PCDHA8: variants seen among roughly 807,000 people sequenced by gnomAD.
PCDHA8 encodes protocadherin alpha-8.
A neutral mutation model predicts 61.8 loss-of-function variants in PCDHA8; 53 were observed. That is an observed-to-expected ratio of 0.86 (90% confidence interval 0.69 to 1.08). The LOEUF is 1.08. PCDHA8 is among the 50% of genes least tolerant of loss of function. The pLI, the probability that PCDHA8 is intolerant of heterozygous loss-of-function variation, is 0.00. For synonymous variants in PCDHA8, 618 were observed against 556.6 expected (o/e 1.11, Z -1.55); for missense variants, 1,293 against 1,245.0 (o/e 1.04, Z -0.58).
chr5:140,853,242 A>T, intron 1 of PCDHA8: 1 of 978,496 alleles, frequency 1.0e-6, no homozygotes, highest in Non-Finnish European at 1.2e-6. Context: ...CCTTCATATT[A>T]ATCTCTATTC....
chr5:140,849,852 C>A (rs2150454047), intron 1 of PCDHA8: 2 of 1,598,608 alleles, frequency 1.3e-6, no homozygotes, highest in East Asian at 2.2e-5. Context: ...CGACAACGCA[C>A]CAGCGTTCGC....
At chr5:140,971,689 T>C (rs149234216) in intron 1 of PCDHA8, among the ~76,000 whole-genome samples, 1 of 152,306 alleles carries the variant, frequency 6.6e-6, no homozygotes, top group East Asian at 1.9e-4. Context: ...GAATTTGTAC[T>C]CACTAACCAC....
chr5:140,846,849 G>T (rs1318319896), intron 1 of PCDHA8, among the ~76,000 whole-genome samples: 1 of 149,562 alleles, frequency 6.7e-6, no homozygotes, highest in Non-Finnish European at 1.5e-5. Flanking sequence ...ACAATGCAAG[G>T]CAAGATAATG....
intron 1 of PCDHA8, among the ~76,000 whole-genome samples, chr5:140,962,088 T>C (rs893852980): frequency 6.6e-6 from 1 of 152,092 alleles, no homozygotes; most frequent in Non-Finnish European, 1.5e-5. Flanking sequence ...GGTTTCACCA[T>C]GTTAGCCAGG....
intron 1 of PCDHA8, among the ~76,000 whole-genome samples, chr5:140,936,049 C>A (rs1185871662): frequency 1.3e-5 from 2 of 151,974 alleles, no homozygotes; most frequent in African/African-American, 2.4e-5. Context: ...CCCACCACCA[C>A]ACCCGGCTAA....
chr5:140,863,308 G>T (rs782229195), intron 1 of PCDHA8: 3 of 1,462,294 alleles, frequency 2.1e-6, no homozygotes, highest in Non-Finnish European at 1.9e-6. Context: ...CGCCATCTGC[G>T]TGGTGTCCAG....
intron 1 of PCDHA8, among the ~76,000 whole-genome samples, chr5:140,888,523 T>C (rs1316582829): frequency 6.6e-6 from 1 of 152,244 alleles, no homozygotes; most frequent in African/African-American, 2.4e-5. Flanking sequence ...AGTTCTGACG[T>C]GAAGTTAAGT....
chr5:140,927,486 C>T (rs782314357), intron 1 of PCDHA8: 11 of 1,614,010 alleles, frequency 6.8e-6, no homozygotes, highest in Non-Finnish European at 8.5e-6. Flanking sequence ...AGCGCGCCAC[C>T]CACCTGCTGG....
chr5:141,009,941 C>T lies in PCDHA8; in HGVS notation c.*4C>T, dbSNP rs976573218. On this transcript the variant is annotated 3_prime_UTR_variant, in exon 4 of 4. Coordinates refer to ENST00000531613, the MANE Select transcript of PCDHA8 (RefSeq NM_018911.3). ...GACTGACAACAGTGACCAGTGAGGT[C>T]CTCAAATGGAAACAAGCCACTTAGC... is the stretch of plus-strand genomic sequence containing the variant. 6.3e-7 allele frequency: 1 copy of T among 1,597,476 alleles called. No individual in the cohort carries two copies. The highest frequency in any genetic ancestry group is 1.4e-5 in the African/African-American group (1 of 73,558).
At chr5:140,898,957 G>A (rs1165991766) in intron 1 of PCDHA8, among the ~76,000 whole-genome samples, 13 of 152,052 alleles carry the variant, frequency 8.5e-5, no homozygotes, top group Admixed American at 8.5e-4. Flanking sequence ...AAGCAGTTGT[G>A]AATGGGAGTT....
In PCDHA8 at chr5:140,875,872, A is replaced by C. The variant is rs1554168004; in HGVS notation, c.2394+32157A>C. Reference sequence around the variant, plus strand: ...CATTAACGACAACCCGCCGGTGTTCAGAGAAAGGGAACAAAAGGTACCTGT... The same window carrying C: ...CATTAACGACAACCCGCCGGTGTTCCGAGAAAGGGAACAAAAGGTACCTGT... On this transcript the variant is annotated intron_variant, in intron 1 of 3. Coordinates refer to ENST00000531613, the MANE Select transcript of PCDHA8 (RefSeq NM_018911.3). 1.9e-6 allele frequency: 3 copies of C among 1,614,224 alleles called. No individual in the cohort carries two copies. In the East Asian group the frequency reaches 6.7e-5, roughly 36 times the overall value.
chr5:140,943,131 G>T (rs1360196674), intron 1 of PCDHA8, among the ~76,000 whole-genome samples: 1 of 151,626 alleles, frequency 6.6e-6, no homozygotes, highest in Non-Finnish European at 1.5e-5. Flanking sequence ...GGTAGTGGGT[G>T]CCTGTAGTCC....
intron 1 of PCDHA8, among the ~76,000 whole-genome samples, chr5:140,921,468 C>T (rs886501347): frequency 3.3e-5 from 5 of 152,182 alleles, no homozygotes; most frequent in African/African-American, 1.2e-4. Flanking sequence ...GCAACCACTA[C>T]CAAACCACTC....
At chr5:140,922,139 C>A (rs2080663133) in intron 1 of PCDHA8, among the ~76,000 whole-genome samples, 1 of 151,854 alleles carries the variant, frequency 6.6e-6, no homozygotes, top group Non-Finnish European at 1.5e-5. Flanking sequence ...TCTTATCCTC[C>A]ATGAAACTCA....
intron 1 of PCDHA8, among the ~76,000 whole-genome samples, chr5:140,901,405 G>C (rs1366026091): frequency 6.6e-6 from 1 of 152,128 alleles, no homozygotes; most frequent in Non-Finnish European, 1.5e-5. Context: ...TGAGAGATAG[G>C]GGTCTAGTTT....
chr5:140,875,767 A>G, intron 1 of PCDHA8: 1 of 1,614,144 alleles, frequency 6.2e-7, no homozygotes, highest in Non-Finnish European at 8.5e-7. Context: ...GTGCGGGCGG[A>G]GCGCGGAGTG....
At chr5:140,870,339 G>C in intron 1 of PCDHA8, 1 of 1,614,182 alleles carries the variant, frequency 6.2e-7, no homozygotes, top group Non-Finnish European at 8.5e-7. Flanking sequence ...ACAGCGCCCT[G>C]GACCGCGAGA....
intron 1 of PCDHA8, chr5:140,966,716 G>T: frequency 1.4e-6 from 2 of 1,394,682 alleles, no homozygotes; most frequent in Non-Finnish European, 9.2e-7. Context: ...CACGGCTGGG[G>T]AAGCTGCCGC....
At chr5:140,856,807 T>C in intron 1 of PCDHA8, 1 of 1,594,936 alleles carries the variant, frequency 6.3e-7, no homozygotes, top group Non-Finnish European at 8.6e-7. Context: ...TGTATGAAAA[T>C]CAAGTGAACC....
Sources: allele counts gnomAD v4.1 joint callset (sites outside exome capture counted in the v4.1 genomes callset), GRCh38; gene constraint gnomAD v4.1.1; transcripts MANE v1.5; gene names NCBI Gene and HGNC (gene_info 2026-07-23, HGNC 2026-07-21).